Variants in LZTFL1 observed in about 807,000 individuals in gnomAD.
The protein encoded by LZTFL1 is leucine zipper transcription factor-like protein 1.
A neutral mutation model predicts 45.9 loss-of-function variants in LZTFL1; 25 were observed. That is an observed-to-expected ratio of 0.54 (90% CI 0.40 to 0.76). The LOEUF (loss-of-function observed/expected upper bound fraction) is 0.76, where lower values mean the gene tolerates loss of function less well. Among genes scored for constraint, LZTFL1 ranks in the 30% least tolerant of loss-of-function variants. The pLI, the probability that LZTFL1 is intolerant of heterozygous loss-of-function variation, is 0.00. For missense variants in LZTFL1, 277 were observed against 331.1 expected, an observed-to-expected ratio of 0.84 and a Z score of 1.27; for synonymous variants, 93 against 117.4, an observed-to-expected ratio of 0.79 and a Z score of 1.35.
chr3:45,870,469 G>C (rs928434970), intron 2 of LZTFL1, among the ~76,000 whole-genome samples: 4 of 152,232 alleles, frequency 2.6e-5, no homozygotes, highest in Non-Finnish European at 4.4e-5. Flanking sequence ...CTGTGTGTGT[G>C]CACATGTGTG....
intron 4 of LZTFL1, among the ~76,000 whole-genome samples, chr3:45,849,419 A>G (rs1701273415): frequency 6.6e-6 from 1 of 152,220 alleles, no homozygotes; most frequent in Non-Finnish European, 1.5e-5. Context: ...AATATTGCCA[A>G]AATGTCACTG....
At chr3:45,861,825 A>G (rs564392661) in intron 2 of LZTFL1, among the ~76,000 whole-genome samples, 2 of 152,304 alleles carry the variant, frequency 1.3e-5, no homozygotes, top group East Asian at 3.9e-4. Flanking sequence ...CCCCTTGCCT[A>G]AAAATGAAAT....
intron 2 of LZTFL1, among the ~76,000 whole-genome samples, chr3:45,871,363 A>G (rs1351775420): frequency 2.0e-5 from 3 of 152,200 alleles, no homozygotes; most frequent in Non-Finnish European, 4.4e-5. Flanking sequence ...AGTGCTTGAT[A>G]TTAAACTCAT....
chr3:45,835,750 A>G lies in LZTFL1; in HGVS notation c.163T>C (p.Ser55Pro). Reference sequence around the variant, plus strand: ...GCTTGTAATCCATTGAGGACTTCAGAGACTTCATCTATGGTGAAGGTGTCC... The same window carrying G: ...GCTTGTAATCCATTGAGGACTTCAGGGACTTCATCTATGGTGAAGGTGTCC... ...VEDTFTIDEV[S>P]EVLNGLQAVV... Residue 55 changes from serine to proline, a missense_variant, in exon 3 of 10, where the codon TCT becomes CCT. Coordinates refer to ENST00000296135, the MANE Select transcript of LZTFL1 (RefSeq NM_020347.4). The G allele has an allele frequency of 6.2e-7, 1 of 1,614,000 alleles. No individual in the cohort carries two copies. Among genetic ancestry groups the G allele is most frequent in the Non-Finnish European group, 8.5e-7 (1 of 1,179,908 alleles).
At chr3:45,826,733 A>G (rs1261001400) in intron 9 of LZTFL1, among the ~76,000 whole-genome samples, 1 of 152,234 alleles carries the variant, frequency 6.6e-6, no homozygotes, top group Non-Finnish European at 1.5e-5. Flanking sequence ...ATGTCAACTC[A>G]GTTTCCAGGC....
chr3:45,912,552 C>A (rs557354599), intron 2 of LZTFL1, among the ~76,000 whole-genome samples: 4 of 152,330 alleles, frequency 2.6e-5, no homozygotes, highest in African/African-American at 7.2e-5. Context: ...CAGTGGCCAT[C>A]TGAATAAGCC....
chr3:45,842,228 T>C, upstream of LZTFL1: 3 of 1,358,688 alleles, frequency 2.2e-6, no homozygotes, highest in Non-Finnish European at 2.9e-6. Flanking sequence ...CACATGCGCA[T>C]TGGCTTCCAG....
rs1294084825 is a variant in LZTFL1 at position 45,900,759 on chromosome 3, G to A, written c.-215+12361C>T. The A allele has an allele frequency of 4.5e-6, 7 of 1,558,654 alleles. No individual in the cohort carries two copies. Among genetic ancestry groups the A allele is most frequent in the Non-Finnish European group, 5.2e-6 (6 of 1,152,072 alleles). ...GGTCCATGCCTCTGCCATCAGACAG[G>A]ACCTTCAAAATATTTTCCTTGACCT... On this transcript the variant is annotated intron_variant, in intron 2 of 4. Coordinates refer to the LZTFL1 transcript ENST00000472635. This position sits in a 1 kb window ranked among gnomAD's most constrained non-coding sequence, Gnocchi z 4.7.
At chr3:45,883,753 G>A (rs979588685) in intron 2 of LZTFL1, 17 of 557,998 alleles carry the variant, frequency 3.0e-5, no homozygotes, top group Middle Eastern at 5.2e-4. Flanking sequence ...GCAGCTTTCT[G>A]CAATGCATCC....
chr3:45,864,193 A>G (rs1163667657), intron 2 of LZTFL1, among the ~76,000 whole-genome samples: 1 of 152,262 alleles, frequency 6.6e-6, no homozygotes, highest in Non-Finnish European at 1.5e-5. Flanking sequence ...CAAATTACTG[A>G]GTAAAAGTTT....
At chr3:45,852,558 A>G (rs937033995) in intron 4 of LZTFL1, among the ~76,000 whole-genome samples, 17 of 152,236 alleles carry the variant, frequency 1.1e-4, no homozygotes, top group Non-Finnish European at 1.9e-4. Flanking sequence ...GAAAAGAAAA[A>G]AAGTCAAGTT....
At chr3:45,839,866 C>G (rs1701061067) in intron 1 of LZTFL1, among the ~76,000 whole-genome samples, 1 of 152,214 alleles carries the variant, frequency 6.6e-6, no homozygotes. Flanking sequence ...TAACCTGTTT[C>G]ACCTACTCTG....
At chr3:45,873,787 A>G (rs1170293582) in intron 2 of LZTFL1, among the ~76,000 whole-genome samples, 3 of 152,140 alleles carry the variant, frequency 2.0e-5, no homozygotes, top group Non-Finnish European at 1.5e-5. Flanking sequence ...GCATTCCACA[A>G]GCTGTTCACT....
At chr3:45,890,275 T>TATATATAAATATATATATAAC (rs1702114074) in intron 2 of LZTFL1, among the ~76,000 whole-genome samples, 1 of 85,148 alleles carries the variant, frequency 1.2e-5, no homozygotes, top group African/African-American at 4.4e-5. Flanking sequence ...ATATAACATA[T>TATATATAAATATATATATAAC]ATATATATTT....
chr3:45,885,922 T>C (rs1033039341), intron 2 of LZTFL1, among the ~76,000 whole-genome samples: 4 of 152,132 alleles, frequency 2.6e-5, no homozygotes, highest in Non-Finnish European at 5.9e-5. Context: ...CACCATGTTG[T>C]CCAGGCTGTT....
intron 2 of LZTFL1, among the ~76,000 whole-genome samples, chr3:45,877,955 AG>A (rs1035898288): frequency 3.0e-4 from 45 of 152,032 alleles, no homozygotes; most frequent in South Asian, 1.7e-3. Context: ...CATGTTGACC[AG>A]GCTGGTCTCA....
At chr3:45,837,170 C>T (rs571735876) in intron 2 of LZTFL1, among the ~76,000 whole-genome samples, 4 of 152,190 alleles carry the variant, frequency 2.6e-5, no homozygotes, top group African/African-American at 4.8e-5. Flanking sequence ...CAAAAAACCA[C>T]AACTTTTTAA....
At chr3:45,881,864 G>A (rs1440789002) in intron 2 of LZTFL1, among the ~76,000 whole-genome samples, 8 of 152,238 alleles carry the variant, frequency 5.3e-5, no homozygotes, top group Non-Finnish European at 1.5e-5. Context: ...GGCTAGAGCC[G>A]AGGTAGAAAT....
In LZTFL1 at chr3:45,828,542, G is replaced by C; in HGVS notation, c.674C>G (p.Thr225Arg). The C allele has an allele frequency of 1.9e-6, 3 of 1,614,088 alleles. No homozygotes were observed. The highest frequency in any genetic ancestry group is 2.5e-6 in the Non-Finnish European group (3 of 1,179,960). Residue 225 changes from threonine (T) to arginine (R), a missense_variant, in exon 8 of 10, where the codon ACA (threonine) becomes AGA (arginine). Physicochemically the swap from Thr to Arg is moderately conservative, Grantham distance 71 (BLOSUM62 -1). Transcript: ENST00000296135. The part of the protein sequence containing the change: ...VAALKSEFQK[T>R]LNDKTENQKS... ...CTGGTTTTCTGTCTTGTCATTAAGT[G>C]TCTTCTGAAACTCACTCTTTAAGGC...
Sources: allele counts gnomAD v4.1 joint callset (sites outside exome capture counted in the v4.1 genomes callset), GRCh38; gene constraint gnomAD v4.1.1; non-coding constraint Gnocchi (gnomAD v3.1); transcripts MANE v1.5; gene names NCBI Gene and HGNC (gene_info 2026-07-23, HGNC 2026-07-21).